The following DLG2 variants were observed in gnomAD, a reference collection of about 807,000 sequenced individuals.
DLG2 encodes discs large MAGUK scaffold protein 2.
A neutral mutation model predicts 132.5 loss-of-function variants in DLG2; 45 were observed. That is an observed-to-expected ratio of 0.34 (90% CI 0.27 to 0.44). DLG2 has a LOEUF of 0.44. DLG2 is among the 20% of genes least tolerant of loss of function. The pLI is 1.00. For missense variants in DLG2, 1,045 were observed against 1,196.9 expected, an observed-to-expected ratio of 0.87 and a Z score of 1.87; for synonymous variants, 424 against 419.6, an observed-to-expected ratio of 1.01 and a Z score of -0.13.
At chr11:83,644,771 T>C (rs189738820) in intron 18 of DLG2, among the ~76,000 whole-genome samples, 3 of 152,224 alleles carry the variant, frequency 2.0e-5, no homozygotes. Flanking sequence ...AAAAAATTGT[T>C]CCCCTAATTT....
At chr11:85,276,653 G>A (rs1035524214) in intron 4 of DLG2, among the ~76,000 whole-genome samples, 1 of 152,006 alleles carries the variant, frequency 6.6e-6, no homozygotes, top group African/African-American at 2.4e-5. Flanking sequence ...ATCTTACCTA[G>A]GACTAAGCAT....
chr11:84,320,273 A>G (rs2098396861), intron 7 of DLG2, among the ~76,000 whole-genome samples: 1 of 152,212 alleles, frequency 6.6e-6, no homozygotes, highest in Non-Finnish European at 1.5e-5. Context: ...CTAATATCCT[A>G]GCTTGATTTA....
intron 4 of DLG2, among the ~76,000 whole-genome samples, chr11:85,283,048 T>C (rs1223165190): frequency 6.6e-6 from 1 of 151,412 alleles, no homozygotes; most frequent in Non-Finnish European, 1.5e-5. Flanking sequence ...GAATACATGG[T>C]CACAAACAGG....
At chr11:83,903,320 T>C (rs11233796) in intron 15 of DLG2, among the ~76,000 whole-genome samples, 3,890 of 152,072 alleles carry the variant, frequency 0.026, 69 homozygotes, top group Non-Finnish European at 0.039. Context: ...TTGAAATAAG[T>C]AGGAAAAAAC....
At chr11:84,924,094 C>T (rs1016184263) in intron 6 of DLG2, among the ~76,000 whole-genome samples, 3 of 151,398 alleles carry the variant, frequency 2.0e-5, no homozygotes, top group Non-Finnish European at 4.4e-5. Context: ...CCTATAAGTC[C>T]GTAAGGAAAA....
chr11:84,193,938 T>C (rs1402279884), intron 8 of DLG2, among the ~76,000 whole-genome samples: 1 of 152,180 alleles, frequency 6.6e-6, no homozygotes. Context: ...CATCAACACA[T>C]AGAGGACTGC....
chr11:84,154,663 G>A (rs927609212), intron 9 of DLG2, among the ~76,000 whole-genome samples: 14 of 150,764 alleles, frequency 9.3e-5, no homozygotes, highest in East Asian at 3.9e-4. Context: ...CCCACCCCAC[G>A]ACAGGCCCTG....
In DLG2 at chr11:83,798,381, C is replaced by G. The variant is rs536501282; in HGVS notation, c.1723-11589G>C. On this transcript the variant is annotated intron_variant, in intron 17 of 27. Transcript: ENST00000376104. ...AATAATATTTGGTACATGGTAGGTACTTACTAAATAGTTGCTATGTGTATT... is the reference window on the plus strand; with the variant it reads ...AATAATATTTGGTACATGGTAGGTAGTTACTAAATAGTTGCTATGTGTATT... Among the ~76,000 whole-genome samples, 196 of 152,292 alleles carry G rather than the reference C, an allele frequency of 1.3e-3. 4 individuals carry two copies. The highest frequency in any genetic ancestry group is 0.012 in the Admixed American group (178 of 15,298).
chr11:85,460,807 T>C (rs928708084), intron 3 of DLG2, among the ~76,000 whole-genome samples: 12 of 152,236 alleles, frequency 7.9e-5, no homozygotes, highest in Admixed American at 6.5e-4. Context: ...AGTTCCTGCT[T>C]TGAAAAACTA....
At chr11:84,256,492 A>G (rs1239701314) in intron 7 of DLG2, among the ~76,000 whole-genome samples, 1 of 152,200 alleles carries the variant, frequency 6.6e-6, no homozygotes, top group Admixed American at 6.5e-5. Context: ...GATCAGCAAG[A>G]AATTAACAGT....
chr11:83,869,521 T>TACATG (rs1341394474), intron 16 of DLG2, among the ~76,000 whole-genome samples: 8 of 152,186 alleles, frequency 5.3e-5, no homozygotes, highest in Admixed American at 4.6e-4. Context: ...CAAACAGTGG[T>TACATG]ACATGGCTGT....
At chr11:83,952,799 G>A (rs546781320) in intron 14 of DLG2, among the ~76,000 whole-genome samples, 1 of 151,522 alleles carries the variant, frequency 6.6e-6, no homozygotes, top group East Asian at 1.9e-4. Flanking sequence ...ATCTCTCTGT[G>A]GTAGGAAAAA....
chr11:84,588,680 C>G (rs2099535567), intron 6 of DLG2, among the ~76,000 whole-genome samples: 1 of 149,364 alleles, frequency 6.7e-6, no homozygotes, highest in Non-Finnish European at 1.5e-5. Flanking sequence ...GAGGTTGGCA[C>G]AAGATACAGG....
chr11:84,258,925 G>A (rs1001271423), intron 7 of DLG2, among the ~76,000 whole-genome samples: 3 of 152,074 alleles, frequency 2.0e-5, no homozygotes, highest in Non-Finnish European at 2.9e-5. Flanking sequence ...CTTAAAAATG[G>A]GACAGTGCTA....
intron 18 of DLG2, among the ~76,000 whole-genome samples, chr11:83,704,418 C>G (rs2083499704): frequency 1.3e-5 from 2 of 152,020 alleles, no homozygotes; most frequent in South Asian, 4.1e-4. Flanking sequence ...CTTAGTTCTT[C>G]AATTGTTTTT....
At chr11:84,271,086 A>T (rs1337557475) in intron 7 of DLG2, among the ~76,000 whole-genome samples, 1 of 152,220 alleles carries the variant, frequency 6.6e-6, no homozygotes, top group Non-Finnish European at 1.5e-5. Flanking sequence ...GCTGACAAAA[A>T]AATAAATTGA....
intron 7 of DLG2, among the ~76,000 whole-genome samples, chr11:84,331,007 G>C (rs938493187): frequency 6.6e-6 from 1 of 152,196 alleles, no homozygotes; most frequent in East Asian, 1.9e-4. Context: ...TCACGATTTT[G>C]AGAGGTCTGA....
At chr11:84,912,481 T>C (rs1345365160) in intron 6 of DLG2, among the ~76,000 whole-genome samples, 3 of 152,258 alleles carry the variant, frequency 2.0e-5, no homozygotes, top group African/African-American at 4.8e-5. Flanking sequence ...TAACATCTTC[T>C]GAATGAATCT....
At chr11:84,780,771 AC>A (rs1442342149) in intron 6 of DLG2, among the ~76,000 whole-genome samples, 1 of 152,248 alleles carries the variant, frequency 6.6e-6, no homozygotes, top group Non-Finnish European at 1.5e-5. Flanking sequence ...ACATTTAGTA[AC>A]AAATGATACT....
Sources: gnomAD v4.1 joint callset for allele counts (sites outside exome capture counted in the v4.1 genomes callset) on GRCh38, gnomAD v4.1.1 for gene constraint, MANE v1.5 for transcripts, NCBI Gene and HGNC (gene_info 2026-07-23, HGNC 2026-07-21) for gene names.